MSRA: variants seen among roughly 807,000 people sequenced by gnomAD.
MSRA encodes mitochondrial peptide methionine sulfoxide reductase.
Under a neutral mutation model 31.3 loss-of-function variants are expected in MSRA, and 54 were observed. That is an observed-to-expected ratio of 1.73 (90% CI 1.39 to 2.17). The LOEUF (loss-of-function observed/expected upper bound fraction) is 2.17. MSRA is among the 30% of genes most tolerant of loss of function. MSRA has a pLI of 0.00. For missense variants in MSRA, 507 were observed against 300.9 expected, an observed-to-expected ratio of 1.69 and a Z score of -5.07; for synonymous variants, 169 against 116.5, an observed-to-expected ratio of 1.45 and a Z score of -2.90.
intron 1 of MSRA, among the ~76,000 whole-genome samples, chr8:10,059,997 G>A (rs933662611): frequency 4.6e-5 from 7 of 152,150 alleles, no homozygotes; most frequent in Non-Finnish European, 8.8e-5. Context: ...ATACACTCTT[G>A]TACATGGCTG....
At chr8:10,330,535 A>T (rs1802635401) in intron 5 of MSRA, among the ~76,000 whole-genome samples, 1 of 152,180 alleles carries the variant, frequency 6.6e-6, no homozygotes, top group South Asian at 2.1e-4. Context: ...TTATGTACAG[A>T]TTCATTGCCA....
Position 10,143,146 on chromosome 8 carries a change from G to A in MSRA, c.143-64687G>A, listed in dbSNP as rs189240351. ...TGAAAGGAGGATTCCCTGCACCGTC[G>A]TTTTGGTTTGTCCTCTTCTTTCACG... On this transcript the variant is annotated intron_variant, in intron 1 of 5. Transcript: ENST00000317173. Among the ~76,000 whole-genome samples the A allele has an allele frequency of 5.9e-5, 9 of 152,258 alleles. No homozygotes were observed. The East Asian group carries it at 1.4e-3, about 23-fold the overall frequency.
intron 1 of MSRA, among the ~76,000 whole-genome samples, chr8:10,054,991 C>T (rs1407004671): frequency 1.3e-5 from 2 of 152,224 alleles, no homozygotes; most frequent in Non-Finnish European, 1.5e-5. Flanking sequence ...TCTGGCCTTG[C>T]TCGCGGGCGC....
At chr8:10,365,219 A>T (rs1448985423) in intron 5 of MSRA, among the ~76,000 whole-genome samples, 1 of 149,848 alleles carries the variant, frequency 6.7e-6, no homozygotes, top group Non-Finnish European at 1.5e-5. Flanking sequence ...TTCCCCTCTG[A>T]GCTCAGAGTA....
intron 5 of MSRA, among the ~76,000 whole-genome samples, chr8:10,403,171 C>T (rs1807571006): frequency 6.6e-6 from 1 of 152,200 alleles, no homozygotes; most frequent in Admixed American, 6.5e-5. Context: ...GGAGAAGGCC[C>T]TCCAAATGCA....
chr8:10,155,312 C>G (rs1468051896), intron 1 of MSRA, among the ~76,000 whole-genome samples: 1 of 152,060 alleles, frequency 6.6e-6, no homozygotes, highest in Non-Finnish European at 1.5e-5. Context: ...TGGAAGGAGA[C>G]ATAAATATGA....
At chr8:10,331,130 C>T (rs1802670572) in intron 5 of MSRA, among the ~76,000 whole-genome samples, 1 of 152,192 alleles carries the variant, frequency 6.6e-6, no homozygotes, top group East Asian at 1.9e-4. Flanking sequence ...ACCTACCTTG[C>T]CAGAACCTTG....
intron 5 of MSRA, among the ~76,000 whole-genome samples, chr8:10,365,163 A>AC (rs1805087072): frequency 6.6e-6 from 1 of 151,346 alleles, no homozygotes; most frequent in African/African-American, 2.4e-5. Flanking sequence ...AAAAAAAAAA[A>AC]AGTCGAGACT....
At chr8:10,130,925 C>G (rs1448577214) in intron 1 of MSRA, among the ~76,000 whole-genome samples, 1 of 152,184 alleles carries the variant, frequency 6.6e-6, no homozygotes, top group Non-Finnish European at 1.5e-5. Flanking sequence ...GGATATAAAA[C>G]CTTTCTTATA....
At chr8:10,221,134 T>G (rs1187635479) in intron 2 of MSRA, among the ~76,000 whole-genome samples, 4 of 152,070 alleles carry the variant, frequency 2.6e-5, no homozygotes, top group Non-Finnish European at 5.9e-5. Flanking sequence ...GTGCAGAAAA[T>G]GAGAGCCGCC....
At chr8:10,132,588 G>A (rs7005350) in intron 1 of MSRA, among the ~76,000 whole-genome samples, 133,930 of 152,196 alleles carry the variant, frequency 0.88, 59,184 homozygotes, top group East Asian at 0.96. Flanking sequence ...TGGTTTACAG[G>A]TGGTCACCTT....
intron 3 of MSRA, among the ~76,000 whole-genome samples, chr8:10,279,957 C>T (rs892196650): frequency 6.6e-6 from 1 of 152,178 alleles, no homozygotes; most frequent in Non-Finnish European, 1.5e-5. Context: ...GACAACTAGG[C>T]CTGATATTTT....
rs1387180480 is a variant in MSRA, at chr8:10,427,559, A to G, written c.544-589A>G. 3.3e-5 allele frequency among the ~76,000 whole-genome samples: 5 copies of G among 152,156 alleles called. No homozygotes were observed. The East Asian group carries it at 9.7e-4, about 29-fold the overall frequency. On this transcript the variant is annotated intron_variant, in intron 5 of 5. Transcript: ENST00000317173. ...GACCGCCTGCTCACCAGGACGTGCC[A>G]GCAGGGTCCTTCTCCCCAGAGCCAC...
At chr8:10,270,612 C>G (rs550157812) in intron 3 of MSRA, among the ~76,000 whole-genome samples, 26 of 152,278 alleles carry the variant, frequency 1.7e-4, no homozygotes, top group African/African-American at 5.5e-4. Flanking sequence ...CACGTCAGAG[C>G]AGCTGGAGTT....
chr8:10,322,901 C>A (rs796681614), intron 5 of MSRA, among the ~76,000 whole-genome samples: 2 of 152,020 alleles, frequency 1.3e-5, no homozygotes, highest in African/African-American at 4.8e-5. Context: ...ACCAGCCTGA[C>A]TAACATGGTG....
At chr8:10,131,224 A>C (rs566599201) in intron 1 of MSRA, among the ~76,000 whole-genome samples, 1 of 152,202 alleles carries the variant, frequency 6.6e-6, no homozygotes, top group Non-Finnish European at 1.5e-5. Flanking sequence ...AGAAATGTAC[A>C]CGTTCATATC....
At chr8:10,116,861 G>A (rs1235628856) in intron 1 of MSRA, among the ~76,000 whole-genome samples, 2 of 152,154 alleles carry the variant, frequency 1.3e-5, no homozygotes, top group Non-Finnish European at 2.9e-5. Flanking sequence ...CAGCTACTTG[G>A]GAGGCGAGGC....
In MSRA at chr8:10,319,876, T is replaced by C; in HGVS notation, c.437-7T>C. The stretch of plus-strand genomic sequence containing the variant: ...CGGGTAACCCTCCCTGTTTTCTGCT[T>C]TCCTAGGTATGCGCCAGGGGAACGA... On this transcript the variant is annotated splice_polypyrimidine_tract_variant and splice_region_variant and intron_variant, in intron 4 of 5. Coordinates refer to ENST00000317173, the MANE Select transcript of MSRA (RefSeq NM_012331.5). 1.3e-6 allele frequency: 2 copies of C among 1,514,288 alleles called. No homozygotes were observed. The highest frequency in any genetic ancestry group is 2.0e-5 in the Admixed American group (1 of 48,858). The allele number at this position is 1,514,288 out of a possible 1,614,324, so 93.8% of individuals were successfully genotyped here.
intron 5 of MSRA, among the ~76,000 whole-genome samples, chr8:10,400,670 C>G (rs922584384): frequency 1.3e-5 from 2 of 152,066 alleles, no homozygotes; most frequent in Non-Finnish European, 2.9e-5. Context: ...GGAGGAGAAG[C>G]ATAATGGGTA....
Sources: allele counts gnomAD v4.1 joint callset (sites outside exome capture counted in the v4.1 genomes callset), GRCh38; gene constraint gnomAD v4.1.1; transcripts MANE v1.5; gene names NCBI Gene and HGNC (gene_info 2026-07-23, HGNC 2026-07-21).